Variants in CDH13 observed in about 807,000 individuals in gnomAD.
CDH13 encodes cadherin 13, also known as cadherin-13.
In CDH13, 24 loss-of-function variants were observed where a neutral mutation model predicts 63.8. That is an observed-to-expected ratio of 0.38 (90% confidence interval 0.27 to 0.53). The LOEUF is 0.53. Ranked by LOEUF, CDH13 falls within the 20% of genes least tolerant of loss-of-function variation. The pLI is 0.85. For synonymous variants in CDH13, 503 were observed against 355.3 expected (o/e 1.42, Z -4.67); for missense variants, 1,049 against 903.1 (o/e 1.16, Z -2.07).
intron 5 of CDH13, among the ~76,000 whole-genome samples, chr16:83,332,430 T>G (rs1252976901): frequency 2.0e-5 from 3 of 152,156 alleles, no homozygotes; most frequent in Non-Finnish European, 4.4e-5. Flanking sequence ...AAAACACATT[T>G]TAACACTTAC....
rs548798432 is a variant in CDH13, at chr16:83,634,422, A to G, written c.1101+31828A>G. On this transcript the variant is annotated intron_variant, in intron 8 of 13. Coordinates refer to ENST00000567109, the MANE Select transcript of CDH13 (RefSeq NM_001257.5). ...TTAACTCTTTTTTTTTTTTTTTGAG[A>G]CGGAGTCTTTCCCAGCCACCCAGGC... 3.9e-3 allele frequency among the ~76,000 whole-genome samples: 577 copies of G among 147,402 alleles called. 2 individuals are homozygous for G. Among genetic ancestry groups the G allele is most frequent in the Admixed American group, 8.7e-3 (129 of 14,756 alleles).
At chr16:83,512,042 C>T (rs775879680) in intron 7 of CDH13, among the ~76,000 whole-genome samples, 1 of 152,086 alleles carries the variant, frequency 6.6e-6, no homozygotes, top group Non-Finnish European at 1.5e-5. Context: ...AAGGAAGGGG[C>T]CAGGCGCGGT....
In CDH13 at chr16:83,113,143, G is replaced by A. The variant is rs555127238; in HGVS notation, c.367-12242G>A. Among the ~76,000 whole-genome samples, 7 of 152,318 alleles carry A rather than the reference G, an allele frequency of 4.6e-5. No homozygotes were observed. The South Asian group carries it at 8.3e-4, about 18-fold the overall frequency. On this transcript the variant is annotated intron_variant, in intron 3 of 13. Coordinates refer to ENST00000567109, the MANE Select transcript of CDH13 (RefSeq NM_001257.5). ...ACCAAGACACCTGCGGTAGATTCTGGTTTAACAAAAGGGAGAATTTTCTAA... is the reference window on the plus strand; with the variant it reads ...ACCAAGACACCTGCGGTAGATTCTGATTTAACAAAAGGGAGAATTTTCTAA...
intron 10 of CDH13, among the ~76,000 whole-genome samples, chr16:83,684,763 G>A (rs764591422): frequency 3.3e-5 from 5 of 152,036 alleles, no homozygotes; most frequent in Non-Finnish European, 7.4e-5. Context: ...TTTTGGAAAG[G>A]GTCATTCATC....
intron 1 of CDH13, among the ~76,000 whole-genome samples, chr16:82,851,439 A>AAT (rs780205006): frequency 7.2e-5 from 8 of 110,900 alleles, no homozygotes; most frequent in Non-Finnish European, 1.0e-4. Context: ...CGTCTCAAAA[A>AAT]AAAAATAAAA....
intron 6 of CDH13, among the ~76,000 whole-genome samples, chr16:83,474,642 C>G (rs947402209): frequency 6.6e-6 from 1 of 152,136 alleles, no homozygotes; most frequent in Admixed American, 6.5e-5. Context: ...GAGGATGTAG[C>G]TTAGAATTCA....
intron 1 of CDH13, among the ~76,000 whole-genome samples, chr16:82,680,897 C>T (rs1018567646): frequency 6.6e-6 from 1 of 152,168 alleles, no homozygotes; most frequent in Non-Finnish European, 1.5e-5. Context: ...GAGAAAAAGA[C>T]ACCTTAAACT....
At chr16:82,771,636 C>G (rs2035270533) in intron 1 of CDH13, among the ~76,000 whole-genome samples, 1 of 152,184 alleles carries the variant, frequency 6.6e-6, no homozygotes, top group African/African-American at 2.4e-5. Flanking sequence ...GGGATTTGAG[C>G]TCAGGTCTGT....
intron 1 of CDH13, among the ~76,000 whole-genome samples, chr16:82,818,651 C>T (rs1005804204): frequency 6.6e-6 from 1 of 152,122 alleles, no homozygotes; most frequent in Non-Finnish European, 1.5e-5. Context: ...AAAAGGCCCA[C>T]TGTACCTTTG....
chr16:83,011,217 C>T (rs1013924114), intron 2 of CDH13, among the ~76,000 whole-genome samples: 1 of 152,146 alleles, frequency 6.6e-6, no homozygotes, highest in Middle Eastern at 3.2e-3. Context: ...CACACAGCTT[C>T]ACTGTAGGCT....
intron 2 of CDH13, among the ~76,000 whole-genome samples, chr16:82,968,622 C>G (rs150498692): frequency 2.6e-4 from 39 of 152,226 alleles, no homozygotes; most frequent in African/African-American, 9.1e-4. Flanking sequence ...ATTTAGATTC[C>G]AAGACCCATC....
At chr16:83,548,218 C>G (rs1162874559) in intron 7 of CDH13, among the ~76,000 whole-genome samples, 1 of 152,066 alleles carries the variant, frequency 6.6e-6, no homozygotes, top group African/African-American at 2.4e-5. Context: ...AGGAGGCAAA[C>G]TCAACAGGCC....
chr16:83,179,480 C>CAAAAAAAAA, intron 4 of CDH13, among the ~76,000 whole-genome samples: 1 of 45,048 alleles, frequency 2.2e-5, no homozygotes, highest in Non-Finnish European at 3.9e-5. Flanking sequence ...CCCGTCTCTA[C>CAAAAAAAAA]TAAAAAAAAA....
intron 1 of CDH13, among the ~76,000 whole-genome samples, chr16:82,792,503 C>T (rs569544831): frequency 6.6e-6 from 1 of 152,252 alleles, no homozygotes; most frequent in Admixed American, 6.5e-5. Context: ...GTTCTGGACT[C>T]CCTGAGGACC....
At chr16:83,580,448 T>TTCTCTCTCTCTCTC (rs55664829) in intron 7 of CDH13, among the ~76,000 whole-genome samples, 7 of 76,428 alleles carry the variant, frequency 9.2e-5, no homozygotes, top group East Asian at 6.2e-4. Flanking sequence ...TTCTGTTCAT[T>TTCTCTCTCTCTCTC]TCTCTCTCTC....
At chr16:82,867,623 A>G (rs2040194460) in intron 2 of CDH13, among the ~76,000 whole-genome samples, 1 of 152,196 alleles carries the variant, frequency 6.6e-6, no homozygotes, top group Non-Finnish European at 1.5e-5. Context: ...TTTGTACTTA[A>G]CATACATGAG....
chr16:83,497,988 C>A (rs996718904), intron 7 of CDH13, among the ~76,000 whole-genome samples: 3 of 152,244 alleles, frequency 2.0e-5, no homozygotes, highest in African/African-American at 7.2e-5. Flanking sequence ...CATTAAGAAA[C>A]AGGCAACCTC....
At chr16:83,087,713 A>G (rs1480030496) in intron 3 of CDH13, among the ~76,000 whole-genome samples, 5 of 148,334 alleles carry the variant, frequency 3.4e-5, no homozygotes, top group African/African-American at 1.2e-4. Context: ...GCACCAAAGT[A>G]TTAGCAAGTT....
At chr16:83,620,811 G>A (rs923503518) in intron 8 of CDH13, among the ~76,000 whole-genome samples, 9 of 152,280 alleles carry the variant, frequency 5.9e-5, no homozygotes, top group South Asian at 2.1e-4. Flanking sequence ...TCAAAGAGAC[G>A]TCTCTCCTTC....
Sources: allele counts gnomAD v4.1 joint callset (sites outside exome capture counted in the v4.1 genomes callset), GRCh38; gene constraint gnomAD v4.1.1; transcripts MANE v1.5; gene names NCBI Gene and HGNC (gene_info 2026-07-23, HGNC 2026-07-21).